TCF7: variants seen among roughly 807,000 people sequenced by gnomAD.
TCF7 encodes transcription factor 7, also known as T-cell-factor-7.
In TCF7, 19 loss-of-function variants were observed where a neutral mutation model predicts 46.8. The observed-to-expected ratio is 0.41, with a 90% confidence interval of 0.28 to 0.60. TCF7 has a LOEUF of 0.60. TCF7 is among the 20% of genes least tolerant of loss of function. The pLI, the probability that TCF7 is intolerant of heterozygous loss-of-function variation, is 0.35. For missense variants in TCF7, 547 were observed against 504.6 expected (o/e 1.08, Z -0.81); for synonymous variants, 245 against 213.4 (o/e 1.15, Z -1.29).
chr5:134,131,806 G>A, intron 3 of TCF7, among the ~76,000 whole-genome samples: 1 of 152,242 alleles, frequency 6.6e-6, no homozygotes. Context: ...GGATGAGAGT[G>A]GGCCAGACTG....
rs936100874 is a variant in TCF7, at chr5:134,115,592, A to G, written c.316+205A>G. The G allele has an allele frequency of 7.6e-6, 11 of 1,437,940 alleles. No homozygotes were observed. The Admixed American group carries it at 2.3e-4, about 30-fold the overall frequency. The allele number at this position is 1,437,940 out of a possible 1,614,324, so 89.1% of individuals were successfully genotyped here. On this transcript the variant is annotated intron_variant, in intron 2 of 9. Coordinates refer to ENST00000342854, the MANE Select transcript of TCF7 (RefSeq NM_003202.5). ...CCGGTGCCCTGACCTTTATAGGAGT[A>G]AACAGACCCCCGCCATCCCCGCCTC...
At chr5:134,115,429 G>A (rs1195797017) in intron 2 of TCF7, 42 bp downstream of exon 2, 1 of 1,565,324 alleles carries the variant, frequency 6.4e-7, no homozygotes. Context: ...TCGCGCTCAG[G>A]CCCTGGCCTC....
chr5:134,134,144 C>T (rs1758530943), intron 3 of TCF7, among the ~76,000 whole-genome samples: 1 of 152,244 alleles, frequency 6.6e-6, no homozygotes, highest in African/African-American at 2.4e-5. Context: ...TTACTGAGAA[C>T]CTCACCATGG....
At position 134,142,116 on chromosome 5, in the gene TCF7, G is replaced by A. The variant is rs754865419; in HGVS notation, c.636-69G>A. On this transcript the variant is annotated intron_variant, in intron 5 of 9. Coordinates refer to ENST00000342854, the MANE Select transcript of TCF7 (RefSeq NM_003202.5). Reference sequence around the variant, plus strand: ...TCCTCAAGTTATGTATTATGCAGGGGCCTCTGTGTGTGTCCAAAGGTCTGG... The same window carrying A: ...TCCTCAAGTTATGTATTATGCAGGGACCTCTGTGTGTGTCCAAAGGTCTGG... 9.4e-6 allele frequency: 15 copies of A among 1,603,820 alleles called. No homozygotes were observed. The African/African-American group carries it at 1.6e-4, about 17-fold the overall frequency.
At chr5:134,111,049 T>C (rs1172456028), upstream of TCF7, among the ~76,000 whole-genome samples, 1 of 152,130 alleles carries the variant, frequency 6.6e-6, no homozygotes, top group African/African-American at 2.4e-5. Context: ...TTCACTAGGG[T>C]ACAGTGGTTC....
chr5:134,132,071 C>T (rs527582825), intron 3 of TCF7, among the ~76,000 whole-genome samples: 1 of 152,354 alleles, frequency 6.6e-6, no homozygotes, highest in East Asian at 1.9e-4. Flanking sequence ...AAGGGAGAGA[C>T]TGTGTTTAGA....
Position 134,147,147 on chromosome 5 carries a change from C to G in TCF7, c.*844C>G, listed in dbSNP as rs1281282045. On this transcript the variant is annotated 3_prime_UTR_variant, in exon 10 of 10. Coordinates refer to ENST00000342854, the MANE Select transcript of TCF7 (RefSeq NM_003202.5). ...TGGAATAGGTTAAGTTTAGGCCTAT[C>G]AACCTAAGCAACAGAAATAATCTGA... 6.6e-6 allele frequency: 1 copy of G among 152,554 alleles called. No homozygotes were observed. The highest frequency in any genetic ancestry group is 2.4e-5 in the African/African-American group (1 of 41,470). The allele number at this position is 152,554 out of a possible 1,614,324, so 9.5% of individuals were successfully genotyped here.
At chr5:134,136,332 T>C (rs1356928774) in intron 3 of TCF7, among the ~76,000 whole-genome samples, 1 of 152,100 alleles carries the variant, frequency 6.6e-6, no homozygotes, top group Non-Finnish European at 1.5e-5. Context: ...TCTTCTTCCT[T>C]GCTAGCCACC....
chr5:134,137,570 C>A (rs915057918), intron 3 of TCF7, among the ~76,000 whole-genome samples: 1 of 152,240 alleles, frequency 6.6e-6, no homozygotes, highest in Non-Finnish European at 1.5e-5. Context: ...TTGAGGAGGG[C>A]CCTTCCCTGT....
intron 3 of TCF7, among the ~76,000 whole-genome samples, chr5:134,127,454 C>T (rs570213438): frequency 1.1e-3 from 162 of 152,360 alleles, no homozygotes; most frequent in African/African-American, 3.8e-3. Flanking sequence ...TGGATCACTT[C>T]CTCTTTCTAG....
intron 3 of TCF7, chr5:134,123,649 C>T (rs900129527): frequency 1.5e-5 from 7 of 455,148 alleles, no homozygotes; most frequent in Non-Finnish European, 2.2e-5. Flanking sequence ...GAAGGATGTG[C>T]GGTGAGACTG....
intron 9 of TCF7, chr5:134,145,807 C>T: frequency 6.2e-7 from 1 of 1,613,762 alleles, no homozygotes; most frequent in Non-Finnish European, 8.5e-7. Context: ...TCTTCTTCCT[C>T]TAGCCCAGCT....
rs536597086 is a variant in TCF7 at position 134,115,096 on chromosome 5, G to A, written c.190G>A (p.Gly64Ser). The A allele has an allele frequency of 8.7e-4, 944 of 1,082,784 alleles. 19 individuals are homozygous for A. The South Asian group carries it at 0.024, about 27-fold the overall frequency. 67.1% of individuals were successfully genotyped at this position (1,082,784 alleles called of 1,614,324 possible). Residue 64 changes from glycine (G) to serine (S), a missense_variant, in exon 1 of 10, where the codon GGC becomes AGC. Gly to Ser is a moderately conservative substitution (Grantham distance 56). Coordinates refer to ENST00000342854, the MANE Select transcript of TCF7 (RefSeq NM_003202.5). ...SLVNESEGAA[G>S]GAGIPGVPGA... ...CGTGAACGAGTCCGAGGGCGCGGCC[G>A]GCGGCGCAGGGATCCCGGGGGTCCC...
chr5:134,145,227 A>G (rs943879401), intron 9 of TCF7: 6 of 561,998 alleles, frequency 1.1e-5, no homozygotes, highest in Non-Finnish European at 1.7e-5. Flanking sequence ...CAAAGTCATT[A>G]TGGCCCATGG....
chr5:134,145,533 C>T, intron 9 of TCF7: 4 of 608,538 alleles, frequency 6.6e-6, no homozygotes, highest in Non-Finnish European at 1.2e-5. Flanking sequence ...CAGTTTCAGG[C>T]CAGGCCTGGC....
chr5:134,115,885 C>T lies in TCF7; in HGVS notation c.317-24C>T, dbSNP rs374284234. 6.3e-5 allele frequency: 101 copies of T among 1,613,696 alleles called. 1 individual carries two copies. In the African/African-American group the frequency reaches 1.0e-3, roughly 16 times the overall value. ...CCAGCCGCTGCCAGGGCTGGTGTGT[C>T]TGACCCAGCTGTGGTTTTTCCAGGC... On this transcript the variant is annotated intron_variant, in intron 2 of 9. Coordinates refer to ENST00000342854, the MANE Select transcript of TCF7 (RefSeq NM_003202.5).
At chr5:134,144,672 A>C (rs1213348550) in intron 9 of TCF7, 9 of 710,722 alleles carry the variant, frequency 1.3e-5, no homozygotes, top group Middle Eastern at 3.4e-4. Context: ...CACTCTGCCT[A>C]TGGGGGCTGT....
chr5:134,115,646 G>A, intron 2 of TCF7: 3 of 1,429,540 alleles, frequency 2.1e-6, no homozygotes, highest in East Asian at 2.6e-5. Flanking sequence ...TGACTAATCC[G>A]CCGCCTTCAG....
upstream of TCF7, among the ~76,000 whole-genome samples, chr5:134,110,064 C>T (rs1755310608): frequency 6.6e-6 from 1 of 152,300 alleles, no homozygotes; most frequent in Non-Finnish European, 1.5e-5. Context: ...GGTGAGGGAA[C>T]CCCAAACCCA....
Sources: gnomAD v4.1 joint callset for allele counts (sites outside exome capture counted in the v4.1 genomes callset) on GRCh38, gnomAD v4.1.1 for gene constraint, MANE v1.5 for transcripts, NCBI Gene and HGNC (gene_info 2026-07-23, HGNC 2026-07-21) for gene names.